Variants in MAGI2 observed in about 807,000 individuals in gnomAD.
MAGI2 encodes the protein membrane associated guanylate kinase, WW and PDZ domain containing 2, also known as membrane-associated guanylate kinase, WW and PDZ domain-containing protein 2.
Under a neutral mutation model 133.3 loss-of-function variants are expected in MAGI2, and 35 were observed. The observed-to-expected ratio is 0.26, with a 90% CI of 0.20 to 0.35. The LOEUF (loss-of-function observed/expected upper bound fraction) is 0.35, where lower values mean the gene tolerates loss of function less well. Ranked by LOEUF, MAGI2 falls within the 10% of genes least tolerant of loss-of-function variation. MAGI2 has a pLI of 1.00. For synonymous variants in MAGI2, 729 were observed against 710.6 expected (o/e 1.03, Z -0.41); for missense variants, 1,636 against 1,863.4 (o/e 0.88, Z 2.25).
At chr7:78,457,895 C>T (rs914649767) in intron 6 of MAGI2, among the ~76,000 whole-genome samples, 4 of 152,102 alleles carry the variant, frequency 2.6e-5, no homozygotes, top group Non-Finnish European at 5.9e-5. Flanking sequence ...AAGATTTTTG[C>T]ACAAGTATAT....
intron 1 of MAGI2, among the ~76,000 whole-genome samples, chr7:79,225,439 AGAAATAGTGCAAC>A (rs1277490845): frequency 2.0e-5 from 3 of 152,224 alleles, no homozygotes; most frequent in Non-Finnish European, 4.4e-5. Context: ...TTTTCATATT[AGAAATAGTGCAAC>A]GAAGTTACTG....
chr7:79,199,607 G>A (rs1028960022), intron 1 of MAGI2, among the ~76,000 whole-genome samples: 7 of 151,978 alleles, frequency 4.6e-5, no homozygotes, highest in Non-Finnish European at 8.8e-5. Flanking sequence ...AATAAAGTAA[G>A]TAAAAGTAAA....
intron 9 of MAGI2, among the ~76,000 whole-genome samples, chr7:78,266,807 C>G (rs147360314): frequency 2.0e-5 from 3 of 150,892 alleles, no homozygotes; most frequent in African/African-American, 7.3e-5. Context: ...CTCGTGACCT[C>G]GTGATCCGCC....
intron 6 of MAGI2, among the ~76,000 whole-genome samples, chr7:78,449,021 C>T (rs1190995418): frequency 6.6e-6 from 1 of 152,072 alleles, no homozygotes; most frequent in Non-Finnish European, 1.5e-5. Flanking sequence ...AAAACAGTCA[C>T]TCAATCTGAT....
intron 1 of MAGI2, among the ~76,000 whole-genome samples, chr7:79,289,680 G>C (rs1836304979): frequency 6.6e-6 from 1 of 152,072 alleles, no homozygotes; most frequent in South Asian, 2.1e-4. Context: ...CACTGGACTA[G>C]GGCAGGGAGC....
chr7:79,277,855 C>T (rs963975042), intron 1 of MAGI2, among the ~76,000 whole-genome samples: 4 of 152,100 alleles, frequency 2.6e-5, no homozygotes, highest in African/African-American at 7.2e-5. Context: ...CTCTTTGAAA[C>T]GTAATCATTA....
At chr7:79,101,677 T>C (rs1817985391) in intron 1 of MAGI2, among the ~76,000 whole-genome samples, 1 of 139,036 alleles carries the variant, frequency 7.2e-6, no homozygotes, top group Admixed American at 7.9e-5. Context: ...TGAGCCGAGA[T>C]CGCGCCACCG....
intron 3 of MAGI2, among the ~76,000 whole-genome samples, chr7:78,602,309 G>A (rs1210435005): frequency 3.3e-5 from 5 of 152,038 alleles, no homozygotes; most frequent in South Asian, 2.1e-4. Context: ...ACAGGTGCCC[G>A]CCACCATGCC....
At chr7:78,504,364 T>C (rs1794901662) in intron 4 of MAGI2, among the ~76,000 whole-genome samples, 1 of 152,208 alleles carries the variant, frequency 6.6e-6, no homozygotes, top group African/African-American at 2.4e-5. Flanking sequence ...TATTCATGGA[T>C]TCATTTACCC....
At chr7:78,742,695 C>A (rs942786301) in intron 2 of MAGI2, among the ~76,000 whole-genome samples, 2 of 152,172 alleles carry the variant, frequency 1.3e-5, no homozygotes, top group Non-Finnish European at 2.9e-5. Context: ...TAGAACCTTG[C>A]CTCTCATCCA....
chr7:78,406,423 C>T (rs1459753955), intron 6 of MAGI2, among the ~76,000 whole-genome samples: 1 of 151,854 alleles, frequency 6.6e-6, no homozygotes, highest in African/African-American at 2.4e-5. Context: ...AAAACATGGA[C>T]AAAAATTAAT....
At chr7:78,072,362 CT>C (rs1814802872) in intron 21 of MAGI2, among the ~76,000 whole-genome samples, 1 of 152,090 alleles carries the variant, frequency 6.6e-6, no homozygotes, top group African/African-American at 2.4e-5. Context: ...CCTTTGAGAC[CT>C]TTTTATGAGT....
intron 3 of MAGI2, among the ~76,000 whole-genome samples, chr7:78,599,337 TTAC>T (rs887302411): frequency 8.3e-4 from 126 of 152,286 alleles, no homozygotes; most frequent in African/African-American, 2.9e-3. Context: ...TCAAGTGTTC[TTAC>T]TACAATAACA....
At chr7:78,405,719 G>C (rs766185543) in intron 6 of MAGI2, among the ~76,000 whole-genome samples, 20 of 152,000 alleles carry the variant, frequency 1.3e-4, no homozygotes, top group Non-Finnish European at 2.4e-4. Context: ...AATAATAGAC[G>C]ATGCCTTCAC....
intron 6 of MAGI2, among the ~76,000 whole-genome samples, chr7:78,418,306 C>G (rs1018043713): frequency 6.6e-6 from 1 of 152,086 alleles, no homozygotes; most frequent in Non-Finnish European, 1.5e-5. Flanking sequence ...AACATATACC[C>G]ACAAATAGAT....
At chr7:79,332,403 A>G (rs187758726) in intron 1 of MAGI2, among the ~76,000 whole-genome samples, 1 of 152,324 alleles carries the variant, frequency 6.6e-6, no homozygotes, top group East Asian at 1.9e-4. Flanking sequence ...TAGTAGGCAG[A>G]TACTGTGTTC....
Position 78,791,459 on chromosome 7 carries a change from T to C in MAGI2, c.419-164220A>G, listed in dbSNP as rs148699743. On this transcript the variant is annotated intron_variant, in intron 2 of 21. Transcript: ENST00000354212. The stretch of plus-strand genomic sequence containing the variant: ...TATCTTCTCTTCTGGAAGTTTATTT[T>C]AAGAAAACAGAGTTGGGCAAAACTG... Among the ~76,000 whole-genome samples, 18 of 152,146 alleles carry C rather than the reference T, an allele frequency of 1.2e-4. No homozygotes were observed. The East Asian group carries it at 3.5e-3, about 29-fold the overall frequency.
At chr7:79,264,177 A>G (rs1225816299) in intron 1 of MAGI2, among the ~76,000 whole-genome samples, 1 of 152,162 alleles carries the variant, frequency 6.6e-6, no homozygotes, top group Non-Finnish European at 1.5e-5. Flanking sequence ...CCACATCTCA[A>G]ATGCTCATTA....
chr7:79,043,992 A>G (rs551022443), intron 1 of MAGI2, among the ~76,000 whole-genome samples: 1 of 151,280 alleles, frequency 6.6e-6, no homozygotes, highest in East Asian at 1.9e-4. Flanking sequence ...AAATTCTACC[A>G]GACATACAGA....
Sources: allele counts gnomAD v4.1 joint callset (sites outside exome capture counted in the v4.1 genomes callset), GRCh38; gene constraint gnomAD v4.1.1; transcripts MANE v1.5; gene names NCBI Gene and HGNC (gene_info 2026-07-23, HGNC 2026-07-21).